The following FBN3 variants were observed in gnomAD, a reference collection of about 807,000 sequenced individuals.
FBN3 encodes the protein fibrillin 3.
In FBN3, 234 loss-of-function variants were observed where a neutral mutation model predicts 330.1. The observed-to-expected ratio is 0.71, with a 90% CI of 0.64 to 0.79. The LOEUF (loss-of-function observed/expected upper bound fraction) is 0.79, where lower values mean the gene tolerates loss of function less well. Ranked by LOEUF, FBN3 falls within the 30% of genes least tolerant of loss-of-function variation. FBN3 has a pLI of 0.00. For missense variants in FBN3, 3,606 were observed against 3,886.9 expected (o/e 0.93, Z 1.92); for synonymous variants, 1,458 against 1,517.3 (o/e 0.96, Z 0.91).
At position 8,109,116 on chromosome 19, in the gene FBN3, G is replaced by T. The variant is rs1290396433; in HGVS notation, c.4618+111C>A. The T allele has an allele frequency of 9.5e-7, 1 of 1,057,332 alleles. No individual in the cohort carries two copies. The highest frequency in any genetic ancestry group is 1.6e-5 in the African/African-American group (1 of 63,278). The allele number at this position is 1,057,332 out of a possible 1,614,324, so 65.5% of individuals were successfully genotyped here. Reference sequence around the variant, plus strand: ...AGCCCCTCTCCTCCCCCAGTTCTTGGTTTTCCTGTCGCCTAAGCCCCCCAC... The same window carrying T: ...AGCCCCTCTCCTCCCCCAGTTCTTGTTTTTCCTGTCGCCTAAGCCCCCCAC... On this transcript the variant is annotated intron_variant, in intron 36 of 63. Coordinates refer to ENST00000600128, the MANE Select transcript of FBN3 (RefSeq NM_032447.5). The surrounding 1 kb of genome is among the most constrained non-coding windows in gnomAD (Gnocchi z 5.2).
In FBN3 at chr19:8,141,928, C is replaced by A. The variant is rs750436026; in HGVS notation, c.739+12G>T. On this transcript the variant is annotated intron_variant, in intron 7 of 63. Coordinates refer to ENST00000600128, the MANE Select transcript of FBN3 (RefSeq NM_032447.5). ...CTAAGGCCTCCCACTCAGCCCTGAC[C>A]CCACTATTCACCTTGGCAGGCCCCC... 17 of 1,613,976 alleles carry A rather than the reference C, an allele frequency of 1.1e-5. No individual in the cohort carries two copies. In the South Asian group the frequency reaches 1.9e-4, roughly 18 times the overall value.
rs267605772 is a variant in FBN3 at position 8,118,939 on chromosome 19, G to T, written c.3295C>A (p.Pro1099Thr). The T allele has an allele frequency of 4.3e-6, 7 of 1,613,268 alleles. No homozygotes were observed. Among genetic ancestry groups the T allele is most frequent in the African/African-American group, 1.3e-5 (1 of 74,930 alleles). Residue 1099 changes from proline to threonine, a missense_variant, in exon 26 of 64, where the codon CCC becomes ACC. Pro to Thr is a conservative substitution (Grantham distance 38). Transcript: ENST00000600128. ...NTDGSYKCQCPPGHELTAKGT... is the reference protein window; with the variant it reads ...NTDGSYKCQCTPGHELTAKGT... ...TTGGCCGTCAGCTCATGCCCAGGGG[G>T]ACACTGGCACTTGTAGCTCCCATCC...
At chr19:8,110,158 C>T (rs530146789) in intron 34 of FBN3, among the ~76,000 whole-genome samples, 24 of 152,314 alleles carry the variant, frequency 1.6e-4, no homozygotes, top group African/African-American at 4.6e-4. Flanking sequence ...TGGGCTCAAG[C>T]GATCCTTCTG....
chr19:8,139,083 T>C (rs2083354684), intron 8 of FBN3, among the ~76,000 whole-genome samples: 1 of 151,742 alleles, frequency 6.6e-6, no homozygotes, highest in African/African-American at 2.4e-5. Flanking sequence ...GCGCAGTGGC[T>C]CACGCCTGTA....
rs968779271 is a variant in FBN3 at position 8,129,770 on chromosome 19, A to G, written c.2045-405T>C. ...TGGCACTGTCATAAAAATAAAAGCA[A>G]TTATAGGCCAGATATGATGGCTGTC... On this transcript the variant is annotated intron_variant, in intron 16 of 63. Coordinates refer to ENST00000600128, the MANE Select transcript of FBN3 (RefSeq NM_032447.5). This position sits in a 1 kb window ranked among gnomAD's most constrained non-coding sequence, Gnocchi z 4.5. 2.6e-5 allele frequency among the ~76,000 whole-genome samples: 4 copies of G among 152,094 alleles called. No homozygotes were observed. The highest frequency in any genetic ancestry group is 9.7e-5 in the African/African-American group (4 of 41,434).
chr19:8,122,811 C>T (rs1406065562), intron 24 of FBN3, among the ~76,000 whole-genome samples: 3 of 151,876 alleles, frequency 2.0e-5, no homozygotes, highest in Non-Finnish European at 4.4e-5. Context: ...ACTACAGGTG[C>T]CTGCCACCAC....
chr19:8,126,065 G>A lies in FBN3; in HGVS notation c.2606-48C>T, dbSNP rs748502395. On this transcript the variant is annotated intron_variant, in intron 21 of 63. Transcript: ENST00000600128. ...CGGAGGGTCCAGGGAGGGGAAGGGTGCTGGCTGGCCATTCCCCTGGGGTCT... is the reference window on the plus strand; with the variant it reads ...CGGAGGGTCCAGGGAGGGGAAGGGTACTGGCTGGCCATTCCCCTGGGGTCT... The A allele has an allele frequency of 2.5e-6, 4 of 1,611,494 alleles. No homozygotes were observed. In the East Asian group the frequency reaches 8.9e-5, roughly 36 times the overall value.
intron 62 of FBN3, 36 bp from the exon 63 acceptor site, chr19:8,072,234 G>A (rs200201675): frequency 3.5e-4 from 530 of 1,497,196 alleles, no homozygotes; most frequent in Non-Finnish European, 4.2e-4. Context: ...GGGTTTCAGA[G>A]GCGGGCTGAT....
chr19:8,111,861 G>T, intron 31 of FBN3, 91 bp from the exon 32 acceptor site: 1 of 1,535,668 alleles, frequency 6.5e-7, no homozygotes, highest in South Asian at 1.2e-5. Context: ...CTCCAACCCT[G>T]ACTGCCCCCC....
chr19:8,146,925 G>C (rs1040362663), intron 3 of FBN3, among the ~76,000 whole-genome samples, 179 bp downstream of exon 3: 1 of 152,226 alleles, frequency 6.6e-6, no homozygotes, highest in Non-Finnish European at 1.5e-5. Context: ...GTAGGGCAAA[G>C]GAAATGAACA....
At chr19:8,085,681 T>G (rs1421132850) in intron 55 of FBN3, 112 bp from the exon 56 acceptor site, 2 of 780,566 alleles carry the variant, frequency 2.6e-6, no homozygotes, top group African/African-American at 3.5e-5. Context: ...GACAGGGGTG[T>G]CCAGGAGGGA....
chr19:8,117,096 C>T, intron 28 of FBN3, 73 bp downstream of exon 28: 1 of 1,583,430 alleles, frequency 6.3e-7, no homozygotes, highest in Non-Finnish European at 8.6e-7. Flanking sequence ...GGCTCTGGGC[C>T]AGTGCAGGAC....
chr19:8,089,464 G>A (rs534336219), intron 51 of FBN3, 81 bp downstream of exon 51: 27 of 1,532,926 alleles, frequency 1.8e-5, no homozygotes, highest in Admixed American at 7.2e-5. Flanking sequence ...CACTGCCTGG[G>A]GGTGTCTTCC....
Position 8,081,453 on chromosome 19 carries a change from T to C in FBN3, c.7241A>G (p.Lys2414Arg), listed in dbSNP as rs2081782240. ...LDMDECSQVP[K>R]PCTFLCKNTK... is the part of the protein sequence containing the mutation. ...GTTTTTGCAGAGGAAGGTACATGGC[T>C]TGGGGACCTGGCTGCACTCATCCAT... is the stretch of plus-strand genomic sequence containing the variant. The change falls in exon 58 of 64, where the codon AAG (lysine) becomes AGG (arginine). Residue 2414 changes from lysine (K) to arginine (R), a missense_variant. Coordinates refer to ENST00000600128, the MANE Select transcript of FBN3 (RefSeq NM_032447.5). 6.2e-7 allele frequency: 1 copy of C among 1,611,186 alleles called. No homozygotes were observed. The highest frequency in any genetic ancestry group is 1.1e-5 in the South Asian group (1 of 90,590).
rs201291150 is a variant in FBN3 at position 8,075,363 on chromosome 19, T to C, written c.7502A>G (p.His2501Arg). 9.3e-6 allele frequency: 15 copies of C among 1,614,026 alleles called. No individual in the cohort carries two copies. Among genetic ancestry groups the C allele is most frequent in the Non-Finnish European group, 1.3e-5 (15 of 1,180,024 alleles). Residue 2501 changes from histidine to arginine, a missense_variant, in exon 60 of 64, where the codon CAC (histidine) becomes CGC (arginine). Physicochemically the swap from His to Arg is conservative, Grantham distance 29 (BLOSUM62 0). Transcript: ENST00000600128. ...GAAGCTGCCCGGGGTGTTGTGGCAG[T>C]GCCCGTGGGCACCACATGGGCCAGG... ...AQPGPCGAHG[H>R]CHNTPGSFRC...
At chr19:8,120,946 G>A (rs960763816) in intron 25 of FBN3, among the ~76,000 whole-genome samples, 18 of 152,294 alleles carry the variant, frequency 1.2e-4, no homozygotes, top group African/African-American at 3.6e-4. Flanking sequence ...TGATGGGGAC[G>A]AGAGGCCTCA....
chr19:8,132,877 T>G, intron 14 of FBN3, 107 bp downstream of exon 14: 1 of 1,250,970 alleles, frequency 8.0e-7, no homozygotes, highest in Non-Finnish European at 1.1e-6. Flanking sequence ...CTTCTCCTTC[T>G]CTCATGCTCG....
chr19:8,070,466 G>A (rs369977933), intron 63 of FBN3, among the ~76,000 whole-genome samples: 3 of 152,246 alleles, frequency 2.0e-5, no homozygotes, highest in African/African-American at 7.2e-5. Context: ...AAGAAGCTTC[G>A]ACCTAAATGT....
Position 8,131,539 on chromosome 19 carries a change from C to T in FBN3, c.1990+15G>A. The T allele has an allele frequency of 6.3e-7, 1 of 1,592,420 alleles. No individual in the cohort carries two copies. On this transcript the variant is annotated intron_variant, in intron 15 of 63. Transcript: ENST00000600128. This position sits in a 1 kb window ranked among gnomAD's most constrained non-coding sequence, Gnocchi z 4.5. The stretch of plus-strand genomic sequence containing the variant: ...GACCAAGGAGGCGATGGGGACCGGG[C>T]AGCCGGATGCTCACCGGAGTCTTTG...
Sources: gnomAD v4.1 joint callset for allele counts (sites outside exome capture counted in the v4.1 genomes callset) on GRCh38, gnomAD v4.1.1 for gene constraint, Gnocchi (gnomAD v3.1) non-coding constraint, MANE v1.5 for transcripts, NCBI Gene and HGNC (gene_info 2026-07-23, HGNC 2026-07-21) for gene names.